ZNF131: variants seen among roughly 807,000 people sequenced by gnomAD.
ZNF131 encodes the protein zinc finger protein 131.
Under a neutral mutation model 60.0 loss-of-function variants are expected in ZNF131, and 7 were observed. The observed-to-expected ratio is 0.12, with a 90% CI of 0.07 to 0.22. The LOEUF is 0.22. ZNF131 is among the 10% of genes least tolerant of loss of function. ZNF131 has a pLI of 1.00. For synonymous variants in ZNF131, 257 were observed against 253.2 expected, an observed-to-expected ratio of 1.01 and a Z score of -0.14; for missense variants, 493 against 740.9, an observed-to-expected ratio of 0.67 and a Z score of 3.88.
intron 5 of ZNF131, among the ~76,000 whole-genome samples, chr5:43,162,989 G>A (rs1328777545): frequency 5.3e-5 from 1 of 18,746 alleles, no homozygotes; most frequent in African/African-American, 1.4e-4. Flanking sequence ...TTTTTTTTTG[G>A]CAGATGGAGT....
At chr5:43,122,814 A>T (rs557509048) in intron 2 of ZNF131, among the ~76,000 whole-genome samples, 12 of 152,362 alleles carry the variant, frequency 7.9e-5, no homozygotes, top group Admixed American at 5.9e-4. Flanking sequence ...TAGCAGACAT[A>T]TCCAGCTTTG....
rs138156114 is a variant in ZNF131, at chr5:43,156,407, A to C, written c.372-4842A>C. 4.3e-4 allele frequency among the ~76,000 whole-genome samples: 65 copies of C among 152,246 alleles called. 1 individual carries two copies. Among genetic ancestry groups the C allele is most frequent in the Admixed American group, 8.5e-4 (13 of 15,276 alleles). ...ATAGGGAGAATTTGGCTCCACTCCT[A>C]ATTATCTTTCTCCTAAAAGCACTGA... On this transcript the variant is annotated intron_variant, in intron 4 of 6. Transcript: ENST00000682664.
In ZNF131 at chr5:43,156,784, C is replaced by T. The variant is rs568877817; in HGVS notation, c.372-4465C>T. Among the ~76,000 whole-genome samples the T allele has an allele frequency of 6.6e-5, 10 of 152,260 alleles. No homozygotes were observed. The South Asian group carries it at 2.1e-3, about 32-fold the overall frequency. ...AGGCGCAGTGGCTCACGCCCATAATCCTAGAACTTTGAGAGGCCAAGGTGG... is the reference window on the plus strand; with the variant it reads ...AGGCGCAGTGGCTCACGCCCATAATTCTAGAACTTTGAGAGGCCAAGGTGG... On this transcript the variant is annotated intron_variant, in intron 4 of 6. Coordinates refer to ENST00000682664, the MANE Select transcript of ZNF131 (RefSeq NM_001330707.2).
intron 4 of ZNF131, among the ~76,000 whole-genome samples, chr5:43,158,057 C>T (rs575980960): frequency 4.8e-4 from 73 of 152,296 alleles, no homozygotes; most frequent in African/African-American, 1.7e-3. Flanking sequence ...CCACCTCCAC[C>T]TTCTGGGTTC....
chr5:43,155,736 G>C (rs763061401), intron 4 of ZNF131, among the ~76,000 whole-genome samples: 43 of 152,168 alleles, frequency 2.8e-4, no homozygotes, highest in Non-Finnish European at 1.2e-4. Context: ...ATTTTTGTTG[G>C]GAGGAGGATA....
At chr5:43,157,002 C>G (rs537030114) in intron 4 of ZNF131, among the ~76,000 whole-genome samples, 1 of 152,286 alleles carries the variant, frequency 6.6e-6, no homozygotes, top group African/African-American at 2.4e-5. Flanking sequence ...ATTCGTATTA[C>G]TTTGGATCCT....
rs1746230935 is a variant in ZNF131, at chr5:43,137,216, A to G, written c.227-1949A>G. 1.3e-5 allele frequency among the ~76,000 whole-genome samples: 2 copies of G among 152,174 alleles called. 1 individual carries two copies. The highest frequency in any genetic ancestry group is 4.1e-4 in the South Asian group (2 of 4,836). ...CAGAAAATAAGACAGGTGGGACTACATCAAACTAAAAAGCTTCTGTACAGC... is the reference window on the plus strand; with the variant it reads ...CAGAAAATAAGACAGGTGGGACTACGTCAAACTAAAAAGCTTCTGTACAGC... On this transcript the variant is annotated intron_variant, in intron 3 of 6. Coordinates refer to ENST00000682664, the MANE Select transcript of ZNF131 (RefSeq NM_001330707.2).
chr5:43,128,779 T>A (rs1435357310), intron 3 of ZNF131, among the ~76,000 whole-genome samples: 1 of 150,766 alleles, frequency 6.6e-6, no homozygotes, highest in Non-Finnish European at 1.5e-5. Context: ...GGAGACAGGG[T>A]CTTGCTCTGT....
intron 3 of ZNF131, among the ~76,000 whole-genome samples, chr5:43,135,181 A>G (rs899185938): frequency 3.3e-5 from 5 of 150,628 alleles, no homozygotes; most frequent in Non-Finnish European, 7.4e-5. Flanking sequence ...TATTTTTAGT[A>G]GAGACGGGGT....
chr5:43,134,599 T>A (rs1169104961), intron 3 of ZNF131, among the ~76,000 whole-genome samples: 1 of 151,676 alleles, frequency 6.6e-6, no homozygotes, highest in Non-Finnish European at 1.5e-5. Flanking sequence ...TAGAAAACTT[T>A]AAAGACAACA....
At chr5:43,140,846 T>G (rs1746727622) in intron 4 of ZNF131, among the ~76,000 whole-genome samples, 1 of 152,026 alleles carries the variant, frequency 6.6e-6, no homozygotes, top group African/African-American at 2.4e-5. Flanking sequence ...GCCTCCTGAG[T>G]AGCTGGGATT....
At chr5:43,122,546 A>T in intron 2 of ZNF131, among the ~76,000 whole-genome samples, 1 of 151,750 alleles carries the variant, frequency 6.6e-6, no homozygotes, top group East Asian at 1.9e-4. Flanking sequence ...GGAAGTGTTG[A>T]TTTTTTTTCT....
At chr5:43,133,113 T>C (rs940168829) in intron 3 of ZNF131, among the ~76,000 whole-genome samples, 1 of 152,168 alleles carries the variant, frequency 6.6e-6, no homozygotes, top group African/African-American at 2.4e-5. Context: ...AGTATCACTT[T>C]AGGACTAAAT....
At chr5:43,156,768 G>A (rs892216148) in intron 4 of ZNF131, among the ~76,000 whole-genome samples, 1 of 152,170 alleles carries the variant, frequency 6.6e-6, no homozygotes, top group Non-Finnish European at 1.5e-5. Context: ...CAGGCGCAGT[G>A]GCTCACGCCC....
intron 4 of ZNF131, among the ~76,000 whole-genome samples, chr5:43,144,089 A>G (rs1747242462): frequency 6.7e-6 from 1 of 149,928 alleles, no homozygotes; most frequent in African/African-American, 2.5e-5. Flanking sequence ...CGCCCAGCTA[A>G]TATTTTGTAT....
intron 4 of ZNF131, among the ~76,000 whole-genome samples, chr5:43,153,435 GA>G (rs577898320): frequency 3.1e-3 from 390 of 125,562 alleles, no homozygotes; most frequent in African/African-American, 0.012. Flanking sequence ...GACCAGCCCT[GA>G]CCAACATGGT....
At chr5:43,135,055 A>G (rs1247733897) in intron 3 of ZNF131, among the ~76,000 whole-genome samples, 6 of 144,932 alleles carry the variant, frequency 4.1e-5, no homozygotes, top group Non-Finnish European at 6.1e-5. Flanking sequence ...CTGGAGTGCA[A>G]TGGCGCAATC....
Position 43,123,264 on chromosome 5 carries a change from C to T in ZNF131, c.180C>T (p.Tyr60=), listed in dbSNP as rs1180017703. The change falls in exon 3 of 7, where the codon TAC becomes TAT. Residue 60 remains tyrosine, a synonymous_variant. Transcript: ENST00000682664. The stretch of plus-strand genomic sequence containing the variant: ...TGGCTGCTTGTAGTAAGTTCTTCTA[C>T]AAATTCTTTCAGGAGTTTACCCAAG... ...AVLAACSKFF[Y]KFFQEFTQEP... The T allele has an allele frequency of 2.5e-6, 4 of 1,612,346 alleles. No homozygotes were observed. The highest frequency in any genetic ancestry group is 3.4e-6 in the Non-Finnish European group (4 of 1,179,562).
Position 43,175,736 on chromosome 5 carries a change from C to T in ZNF131, c.*603C>T, listed in dbSNP as rs1453273066. 1.3e-5 allele frequency: 3 copies of T among 239,044 alleles called. No homozygotes were observed. The highest frequency in any genetic ancestry group is 1.0e-4 in the African/African-American group (3 of 29,770). 14.8% of individuals were successfully genotyped at this position (239,044 alleles called of 1,614,324 possible). On this transcript the variant is annotated 3_prime_UTR_variant, in exon 7 of 7. Coordinates refer to ENST00000682664, the MANE Select transcript of ZNF131 (RefSeq NM_001330707.2). The stretch of plus-strand genomic sequence containing the variant: ...TAGAATGTTAAAAAAAAAAAAAAAT[C>T]CACACCCATGTGCCTTCTCAAAACC...
Sources: gnomAD v4.1 joint callset for allele counts (sites outside exome capture counted in the v4.1 genomes callset) on GRCh38, gnomAD v4.1.1 for gene constraint, MANE v1.5 for transcripts, NCBI Gene and HGNC (gene_info 2026-07-23, HGNC 2026-07-21) for gene names.